The following TMEM161B variants were observed in gnomAD, a reference collection of about 807,000 sequenced individuals.
TMEM161B encodes transmembrane protein 161B.
TMEM161B carries 34 observed loss-of-function variants against 61.8 expected under a neutral mutation model. The ratio of observed to expected loss-of-function variants is 0.55; its 90% CI spans 0.42 to 0.73. TMEM161B has a LOEUF of 0.73. Ranked by LOEUF, TMEM161B falls within the 30% of genes least tolerant of loss-of-function variation. The pLI, the probability that TMEM161B is intolerant of heterozygous loss-of-function variation, is 0.00. For missense variants in TMEM161B, 456 were observed against 558.5 expected (o/e 0.82, Z 1.85); for synonymous variants, 167 against 192.8 (o/e 0.87, Z 1.11).
chr5:88,262,269 G>A (rs1580744848), intron 1 of TMEM161B, among the ~76,000 whole-genome samples: 2 of 152,162 alleles, frequency 1.3e-5, no homozygotes, highest in Admixed American at 1.3e-4. Flanking sequence ...AACACTGAAT[G>A]CTGGCAAGAA....
At chr5:88,242,973 T>C (rs1441676050) in intron 1 of TMEM161B, among the ~76,000 whole-genome samples, 1 of 151,708 alleles carries the variant, frequency 6.6e-6, no homozygotes, top group Non-Finnish European at 1.5e-5. Flanking sequence ...ATTATAGAGA[T>C]TATAAATTAA....
chr5:88,240,775 T>A (rs746256009), intron 2 of TMEM161B, 38 bp downstream of exon 2: 1 of 1,438,330 alleles, frequency 7.0e-7, no homozygotes, highest in South Asian at 1.1e-5. Context: ...AACTAGAGAT[T>A]GAAAGTGTCA....
chr5:88,202,917 A>C, intron 9 of TMEM161B, 45 bp downstream of exon 9: 1 of 1,214,104 alleles, frequency 8.2e-7, no homozygotes, highest in Non-Finnish European at 1.2e-6. Context: ...CATTTAGTAA[A>C]GCAGTTTTGG....
Position 88,223,235 on chromosome 5 carries a change from G to C in TMEM161B, c.290-2516C>G, listed in dbSNP as rs1424891714. On this transcript the variant is annotated intron_variant, in intron 4 of 11. Transcript: ENST00000296595. ...GTTATTCAACTCTTCTTTCTAATGAGTTAAGAAAAAAAAAAAACTGGTAAG... is the reference window on the plus strand; with the variant it reads ...GTTATTCAACTCTTCTTTCTAATGACTTAAGAAAAAAAAAAAACTGGTAAG... 2.7e-5 allele frequency among the ~76,000 whole-genome samples: 4 copies of C among 146,020 alleles called. No individual in the cohort carries two copies. The South Asian group carries it at 6.5e-4, about 24-fold the overall frequency.
At chr5:88,191,422 G>C (rs1192558433), downstream of TMEM161B, among the ~76,000 whole-genome samples, 1 of 152,090 alleles carries the variant, frequency 6.6e-6, no homozygotes, top group Non-Finnish European at 1.5e-5. Flanking sequence ...TTGCTGTTTT[G>C]TTCATTGCTG....
intron 8 of TMEM161B, chr5:88,205,610 G>T: frequency 2.2e-6 from 1 of 459,112 alleles, no homozygotes; most frequent in Non-Finnish European, 3.7e-6. Context: ...TTTAGTAATC[G>T]ATGATGTATC....
At chr5:88,245,155 T>G (rs1190681403) in intron 1 of TMEM161B, among the ~76,000 whole-genome samples, 1 of 151,894 alleles carries the variant, frequency 6.6e-6, no homozygotes, top group African/African-American at 2.4e-5. Context: ...CAAACCTGAC[T>G]CAACTATGGT....
At chr5:88,221,716 C>A (rs1198966821) in intron 4 of TMEM161B, 1 of 456,116 alleles carries the variant, frequency 2.2e-6, no homozygotes, top group South Asian at 1.5e-5. Context: ...TTTACTTCTA[C>A]CAGAGTGTAG....
chr5:88,229,598 C>T (rs949234932), intron 2 of TMEM161B, among the ~76,000 whole-genome samples: 1 of 150,372 alleles, frequency 6.7e-6, no homozygotes, highest in African/African-American at 2.5e-5. Flanking sequence ...AGGCTCCTCA[C>T]AGGGAAAAGC....
intron 8 of TMEM161B, among the ~76,000 whole-genome samples, chr5:88,203,754 T>C (rs1271827237): frequency 0.015 from 3 of 206 alleles, no homozygotes; most frequent in African/African-American, 0.03. Context: ...CCCTATCATA[T>C]ATATATATAT....
intron 5 of TMEM161B, among the ~76,000 whole-genome samples, chr5:88,210,016 T>G (rs1487560432): frequency 6.6e-6 from 1 of 152,240 alleles, no homozygotes; most frequent in Non-Finnish European, 1.5e-5. Flanking sequence ...AATCATATAC[T>G]ATCTTAAACT....
intron 1 of TMEM161B, among the ~76,000 whole-genome samples, chr5:88,263,148 C>G (rs906905334): frequency 2.0e-5 from 3 of 152,012 alleles, no homozygotes; most frequent in Admixed American, 2.0e-4. Flanking sequence ...ATATGGGTAC[C>G]AGGCACGTGG....
intron 1 of TMEM161B, among the ~76,000 whole-genome samples, chr5:88,252,876 G>A (rs532276277): frequency 2.0e-4 from 31 of 152,324 alleles, no homozygotes; most frequent in African/African-American, 7.2e-4. Context: ...AAACTATGAA[G>A]TGGATCAGAT....
At chr5:88,220,070 T>C (rs1233698837) in intron 5 of TMEM161B, among the ~76,000 whole-genome samples, 1 of 151,974 alleles carries the variant, frequency 6.6e-6, no homozygotes, top group Non-Finnish European at 1.5e-5. Context: ...TCCACAATTA[T>C]AAAAATAAAA....
rs1745368829 is a variant in TMEM161B, at chr5:88,205,918, C to G, written c.696G>C (p.Leu232=). ...CCCCAATGAATGAACAGAAAATAGC[C>G]AGGAAAAATTTGAAAGTAAGTTTTG... ...PVSKLTFKFF[L]AIFCSFIGAF... The change falls in exon 8 of 12, where the codon CTG becomes CTC. Residue 232 remains leucine, a synonymous_variant. Coordinates refer to ENST00000296595, the MANE Select transcript of TMEM161B (RefSeq NM_153354.5). 4 of 1,611,264 alleles carry G rather than the reference C, an allele frequency of 2.5e-6. No individual in the cohort carries two copies. Among genetic ancestry groups the G allele is most frequent in the Non-Finnish European group, 3.4e-6 (4 of 1,178,790 alleles).
intron 4 of TMEM161B, among the ~76,000 whole-genome samples, chr5:88,224,577 T>G (rs1468191477): frequency 3.9e-5 from 6 of 152,228 alleles, no homozygotes; most frequent in Admixed American, 2.6e-4. Context: ...TTTTTCTGAT[T>G]TGTAATCCAG....
chr5:88,222,079 G>A (rs189549320), intron 4 of TMEM161B, among the ~76,000 whole-genome samples: 18 of 152,080 alleles, frequency 1.2e-4, no homozygotes, highest in African/African-American at 4.3e-4. Flanking sequence ...CTGCTTCAAC[G>A]TACTTTAACT....
At chr5:88,236,711 T>C (rs535855751) in intron 2 of TMEM161B, among the ~76,000 whole-genome samples, 1 of 152,300 alleles carries the variant, frequency 6.6e-6, no homozygotes, top group African/African-American at 2.4e-5. Context: ...AGCATGCTTT[T>C]GGTAATCAAA....
At position 88,196,064 on chromosome 5, in the gene TMEM161B, T is replaced by A; in HGVS notation, c.*147A>T. The A allele has an allele frequency of 1.4e-6, 2 of 1,422,920 alleles. No individual in the cohort carries two copies. Among genetic ancestry groups the A allele is most frequent in the Non-Finnish European group, 1.8e-6 (2 of 1,092,436 alleles). The allele number at this position is 1,422,920 out of a possible 1,614,324, so 88.1% of individuals were successfully genotyped here. ...TTACTACATTAATTCACCCTGAGAA[T>A]ACAGAGGAAACATTTAATACAAGAC... is the stretch of plus-strand genomic sequence containing the variant. On this transcript the variant is annotated 3_prime_UTR_variant, in exon 12 of 12. Transcript: ENST00000296595.
Sources: allele counts gnomAD v4.1 joint callset (sites outside exome capture counted in the v4.1 genomes callset), GRCh38; gene constraint gnomAD v4.1.1; transcripts MANE v1.5; gene names NCBI Gene and HGNC (gene_info 2026-07-23, HGNC 2026-07-21).